The following ST6GALNAC5 variants were observed in gnomAD, a reference collection of about 807,000 sequenced individuals.
The protein encoded by ST6GALNAC5 is alpha-N-acetylgalactosaminide alpha-2,6-sialyltransferase 5.
Under a neutral mutation model 33.6 loss-of-function variants are expected in ST6GALNAC5, and 27 were observed. The observed-to-expected ratio is 0.80, with a 90% CI of 0.59 to 1.11. The LOEUF is 1.11. Among genes scored for constraint, ST6GALNAC5 ranks in the 50% least tolerant of loss-of-function variants. ST6GALNAC5 has a pLI of 0.00. For synonymous variants in ST6GALNAC5, 194 were observed against 171.2 expected (o/e 1.13, Z -1.04); for missense variants, 428 against 454.0 (o/e 0.94, Z 0.52).
intron 2 of ST6GALNAC5, among the ~76,000 whole-genome samples, chr1:76,894,799 T>G (rs189096175): frequency 1.3e-5 from 2 of 152,040 alleles, no homozygotes; most frequent in East Asian, 3.9e-4. Context: ...AGGTTTGGGG[T>G]TTTCACCACA....
chr1:76,992,343 G>T (rs1419844837), intron 2 of ST6GALNAC5, among the ~76,000 whole-genome samples: 1 of 152,152 alleles, frequency 6.6e-6, no homozygotes, highest in Non-Finnish European at 1.5e-5. Flanking sequence ...AAGATCTGCT[G>T]CCACCACCTT....
At chr1:76,883,826 G>C (rs1054134562) in intron 2 of ST6GALNAC5, among the ~76,000 whole-genome samples, 4 of 152,274 alleles carry the variant, frequency 2.6e-5, no homozygotes, top group African/African-American at 9.6e-5. Flanking sequence ...CAGGACCCAG[G>C]AAGCAAGGAA....
intron 2 of ST6GALNAC5, among the ~76,000 whole-genome samples, chr1:76,912,565 CTT>C (rs1251238293): frequency 1.3e-5 from 2 of 151,644 alleles, no homozygotes; most frequent in African/African-American, 4.9e-5. Flanking sequence ...GTCTAAGTCT[CTT>C]TGTAGGTCAC....
chr1:76,934,061 T>C (rs1647172053), intron 2 of ST6GALNAC5, among the ~76,000 whole-genome samples: 2 of 152,076 alleles, frequency 1.3e-5, no homozygotes, highest in Non-Finnish European at 2.9e-5. Flanking sequence ...TTTGTGTTTT[T>C]AACTACATTT....
chr1:76,954,006 A>G (rs915066027), intron 2 of ST6GALNAC5, among the ~76,000 whole-genome samples: 1 of 152,172 alleles, frequency 6.6e-6, no homozygotes, highest in Admixed American at 6.6e-5. Flanking sequence ...AAATTTAACA[A>G]TCAGTTCTGG....
intron 2 of ST6GALNAC5, among the ~76,000 whole-genome samples, chr1:76,950,129 T>C (rs1300815253): frequency 1.3e-5 from 2 of 152,080 alleles, no homozygotes; most frequent in African/African-American, 2.4e-5. Context: ...CACAGGGAAG[T>C]GAAGCCCAGA....
chr1:77,018,229 C>T (rs1027455785), intron 2 of ST6GALNAC5, among the ~76,000 whole-genome samples: 8 of 152,208 alleles, frequency 5.3e-5, no homozygotes, highest in African/African-American at 1.9e-4. Flanking sequence ...CCTTCATCTT[C>T]TCACCATCAC....
intron 2 of ST6GALNAC5, among the ~76,000 whole-genome samples, chr1:76,885,574 T>G (rs1653874201): frequency 6.6e-6 from 1 of 152,224 alleles, no homozygotes; most frequent in South Asian, 2.1e-4. Context: ...GGCTTTGCTG[T>G]TAGATCCCAG....
intron 2 of ST6GALNAC5, among the ~76,000 whole-genome samples, chr1:76,874,460 A>G (rs1270051763): frequency 6.6e-6 from 1 of 152,190 alleles, no homozygotes; most frequent in Non-Finnish European, 1.5e-5. Flanking sequence ...TTTATAAAGT[A>G]TTAACTTACA....
Position 76,976,546 on chromosome 1 carries a change from C to T in ST6GALNAC5, c.262-67658C>T, listed in dbSNP as rs947171355. ...AAAGTTCCCTGTGCCTTCATCTGAG[C>T]TTGTTGTTTTTCTTGTTCATTGAAG... On this transcript the variant is annotated intron_variant, in intron 2 of 4. Coordinates refer to ENST00000477717, the MANE Select transcript of ST6GALNAC5 (RefSeq NM_030965.3). 3.2e-4 allele frequency among the ~76,000 whole-genome samples: 49 copies of T among 152,018 alleles called. 1 individual carries two copies. Among genetic ancestry groups the T allele is most frequent in the Non-Finnish European group, 1.3e-4 (9 of 67,992 alleles).
chr1:76,986,350 C>T (rs939022798), intron 2 of ST6GALNAC5, among the ~76,000 whole-genome samples: 1 of 152,020 alleles, frequency 6.6e-6, no homozygotes, highest in Non-Finnish European at 1.5e-5. Flanking sequence ...AAAAAGTGTG[C>T]AAAGATATGA....
chr1:76,909,875 C>T (rs1389100801), intron 2 of ST6GALNAC5, among the ~76,000 whole-genome samples: 2 of 152,012 alleles, frequency 1.3e-5, no homozygotes, highest in African/African-American at 4.8e-5. Context: ...AATTACAACT[C>T]CATAGAGTTG....
intron 2 of ST6GALNAC5, among the ~76,000 whole-genome samples, chr1:77,024,386 T>C (rs1219609998): frequency 6.6e-6 from 1 of 152,220 alleles, no homozygotes; most frequent in African/African-American, 2.4e-5. Flanking sequence ...AATGAATGAA[T>C]GAATTGATTC....
intron 2 of ST6GALNAC5, among the ~76,000 whole-genome samples, chr1:76,871,949 A>G (rs1178118740): frequency 6.6e-6 from 1 of 152,004 alleles, no homozygotes; most frequent in Non-Finnish European, 1.5e-5. Context: ...TTACTCTCTC[A>G]GTCCCGATTT....
At chr1:76,961,783 A>G (rs1648250563) in intron 2 of ST6GALNAC5, among the ~76,000 whole-genome samples, 1 of 152,212 alleles carries the variant, frequency 6.6e-6, no homozygotes, top group South Asian at 2.1e-4. Flanking sequence ...ACATTCTTGT[A>G]GCAACTGGTA....
At chr1:76,944,053 A>G (rs1414921329) in intron 2 of ST6GALNAC5, among the ~76,000 whole-genome samples, 4 of 152,076 alleles carry the variant, frequency 2.6e-5, no homozygotes, top group African/African-American at 9.7e-5. Context: ...GCAAATCAAA[A>G]GAGGTAGGAC....
intron 2 of ST6GALNAC5, among the ~76,000 whole-genome samples, chr1:76,979,362 A>G (rs1405256621): frequency 6.6e-6 from 1 of 152,224 alleles, no homozygotes; most frequent in East Asian, 1.9e-4. Context: ...GTATCACACT[A>G]CCTGATTTTA....
chr1:76,998,991 A>G (rs1650041725), intron 2 of ST6GALNAC5, among the ~76,000 whole-genome samples: 1 of 152,186 alleles, frequency 6.6e-6, no homozygotes, highest in East Asian at 1.9e-4. Context: ...AGATCTGGTG[A>G]CTATGAAAGG....
At chr1:76,977,732 G>A (rs866591936) in intron 2 of ST6GALNAC5, among the ~76,000 whole-genome samples, 16 of 152,150 alleles carry the variant, frequency 1.1e-4, no homozygotes, top group African/African-American at 3.6e-4. Flanking sequence ...CTATGGATAG[G>A]CATTTAGATT....
Sources: allele counts gnomAD v4.1 joint callset (sites outside exome capture counted in the v4.1 genomes callset), GRCh38; gene constraint gnomAD v4.1.1; transcripts MANE v1.5; gene names NCBI Gene and HGNC (gene_info 2026-07-23, HGNC 2026-07-21).